Variants in SH3PXD2B observed in about 807,000 individuals in gnomAD.
The protein encoded by SH3PXD2B is SH3 and PX domains 2B.
A neutral mutation model predicts 73.1 loss-of-function variants in SH3PXD2B; 37 were observed. The ratio of observed to expected loss-of-function variants is 0.51; its 90% CI spans 0.39 to 0.67. SH3PXD2B has a LOEUF of 0.67. Among genes scored for constraint, SH3PXD2B ranks in the 30% least tolerant of loss-of-function variants. The probability of loss-of-function intolerance (pLI) is 0.00; values close to 1 mark genes in which losing one functional copy is unlikely to be tolerated. For synonymous variants in SH3PXD2B, 457 were observed against 480.5 expected (o/e 0.95, Z 0.64); for missense variants, 1,053 against 1,197.8 (o/e 0.88, Z 1.78).
At chr5:172,403,319 A>T (rs751590002) in intron 3 of SH3PXD2B, among the ~76,000 whole-genome samples, 7 of 152,238 alleles carry the variant, frequency 4.6e-5, no homozygotes, top group Non-Finnish European at 8.8e-5. Context: ...CTTTGTGCTA[A>T]CATGAGACTT....
At chr5:172,367,234 G>A (rs1445050040) in intron 6 of SH3PXD2B, among the ~76,000 whole-genome samples, 7 of 151,892 alleles carry the variant, frequency 4.6e-5, no homozygotes, top group Non-Finnish European at 8.8e-5. Flanking sequence ...CACTGCGCCC[G>A]GCTGCCATCT....
chr5:172,393,740 A>G (rs544128949), intron 4 of SH3PXD2B, among the ~76,000 whole-genome samples: 22 of 152,312 alleles, frequency 1.4e-4, no homozygotes, highest in African/African-American at 5.3e-4. Context: ...ACCAAAGAAA[A>G]GCTGCTAAAC....
intron 12 of SH3PXD2B, among the ~76,000 whole-genome samples, chr5:172,326,168 G>C (rs903412928): frequency 6.6e-6 from 1 of 152,196 alleles, no homozygotes; most frequent in Admixed American, 6.5e-5. Context: ...TTGAACCATA[G>C]CGGCCTGGTT....
Position 172,339,897 on chromosome 5 carries a change from C to T in SH3PXD2B, c.1208G>A (p.Ser403Asn), listed in dbSNP as rs1756814969. The part of the protein sequence containing the change: ...LKVEVIEKNL[S>N]GWWYIQIEDK... ...TTCAATCTGAATGTACCACCAGCCACTCAAGTTTTTCTCGATCACCTGCAA... is the reference window on the plus strand; with the variant it reads ...TTCAATCTGAATGTACCACCAGCCATTCAAGTTTTTCTCGATCACCTGCAA... Residue 403 changes from serine (S) to asparagine (N), a missense_variant, in exon 13 of 13, where the codon AGT becomes AAT. Ser to Asn is a conservative substitution (Grantham distance 46). Around this residue, in one of 2 missense-constraint regions of SH3PXD2B, gnomAD observed 466 missense variants for 607.1 expected, o/e 0.77. Coordinates refer to ENST00000311601, the MANE Select transcript of SH3PXD2B (RefSeq NM_001017995.3). This position sits in a 1 kb window ranked among gnomAD's most constrained non-coding sequence, Gnocchi z 6.1. 6.2e-7 allele frequency: 1 copy of T among 1,614,146 alleles called. No homozygotes were observed. The highest frequency in any genetic ancestry group is 8.5e-7 in the Non-Finnish European group (1 of 1,180,062).
intron 2 of SH3PXD2B, among the ~76,000 whole-genome samples, chr5:172,416,132 A>G (rs1046313378): frequency 1.3e-5 from 2 of 152,132 alleles, no homozygotes; most frequent in African/African-American, 2.4e-5. Flanking sequence ...GTTTGAGACC[A>G]GTCGGGGCAA....
At chr5:172,423,388 C>T (rs181608288) in intron 1 of SH3PXD2B, among the ~76,000 whole-genome samples, 11 of 152,258 alleles carry the variant, frequency 7.2e-5, no homozygotes, top group Admixed American at 7.2e-4. Context: ...AAACACAAGG[C>T]GCTCAGTGCT....
chr5:172,375,876 G>A (rs1182028552), intron 5 of SH3PXD2B, among the ~76,000 whole-genome samples: 4 of 152,130 alleles, frequency 2.6e-5, no homozygotes, highest in Non-Finnish European at 5.9e-5. Context: ...ATACCTAAGA[G>A]GGGAATTGCT....
At chr5:172,420,214 T>C (rs1411027022) in intron 2 of SH3PXD2B, among the ~76,000 whole-genome samples, 1 of 152,276 alleles carries the variant, frequency 6.6e-6, no homozygotes, top group Non-Finnish European at 1.5e-5. Context: ...TTTATTTACA[T>C]TCTGTTTGCT....
At position 172,415,907 on chromosome 5, in the gene SH3PXD2B, C is replaced by T. The variant is rs1366437223; in HGVS notation, c.156+6509G>A. On this transcript the variant is annotated intron_variant, in intron 2 of 12. Coordinates refer to ENST00000311601, the MANE Select transcript of SH3PXD2B (RefSeq NM_001017995.3). ...CTTATTTCAAGCCCAGGGCTCTATC[C>T]CATTTCCTGCACCCTCAGGTGAATG... 2.0e-5 allele frequency among the ~76,000 whole-genome samples: 3 copies of T among 152,212 alleles called. No individual in the cohort carries two copies. The South Asian group carries it at 6.2e-4, about 31-fold the overall frequency.
chr5:172,337,337 C>G lies in SH3PXD2B; in HGVS notation c.*1032G>C, dbSNP rs1756725989. The G allele has an allele frequency of 1.0e-6, 1 of 985,404 alleles. No homozygotes were observed. 61.0% of individuals were successfully genotyped at this position (985,404 alleles called of 1,614,324 possible). ...TTTTACAGAGGGGAGGGCACAGGCA[C>G]TGAAGTCAGGCAGGCCTGGACTCAA... is the stretch of plus-strand genomic sequence containing the variant. On this transcript the variant is annotated 3_prime_UTR_variant, in exon 13 of 13. Transcript: ENST00000311601.
intron 9 of SH3PXD2B, among the ~76,000 whole-genome samples, chr5:172,351,233 G>GA (rs1377088532): frequency 3.3e-5 from 5 of 152,170 alleles, no homozygotes; most frequent in Non-Finnish European, 5.9e-5. Flanking sequence ...GGGCTCAAGC[G>GA]ATTCTCCCAA....
At chr5:172,441,763 A>G (rs1581343733) in intron 1 of SH3PXD2B, among the ~76,000 whole-genome samples, 1 of 152,212 alleles carries the variant, frequency 6.6e-6, no homozygotes, top group Non-Finnish European at 1.5e-5. Context: ...GACAAGGAGA[A>G]GAGAACTAGA....
At chr5:172,435,948 G>A (rs1473956103) in intron 1 of SH3PXD2B, among the ~76,000 whole-genome samples, 3 of 152,242 alleles carry the variant, frequency 2.0e-5, no homozygotes, top group African/African-American at 7.2e-5. Flanking sequence ...GCCAGGGGCA[G>A]GGGCTGAGGG....
intron 10 of SH3PXD2B, among the ~76,000 whole-genome samples, chr5:172,348,675 C>CCTATCTATCTATCTATG (rs1757072573): frequency 1.8e-5 from 1 of 56,670 alleles, no homozygotes; most frequent in African/African-American, 5.9e-5. Flanking sequence ...ATCTATCTAT[C>CCTATCTATCTATCTATG]TATCTATCTA....
chr5:172,339,767 C>G lies in SH3PXD2B; in HGVS notation c.1338G>C (p.Gln446His), dbSNP rs765107395. ...GCGCTGCTGCTTCCCCCAGCCGGAG[C>G]TGGGTCACCTCGTGGGGCAGGGGAG... ...FLAPLPHEVTQLRLGEAAALE... is the reference protein window; with the variant it reads ...FLAPLPHEVTHLRLGEAAALE... Residue 446 changes from glutamine (Q) to histidine (H), a missense_variant, in exon 13 of 13, where the codon CAG (glutamine) becomes CAC (histidine). Gln to His is a conservative substitution (Grantham distance 24). Coordinates refer to ENST00000311601, the MANE Select transcript of SH3PXD2B (RefSeq NM_001017995.3). This position sits in a 1 kb window ranked among gnomAD's most constrained non-coding sequence, Gnocchi z 6.1. 7 of 1,613,148 alleles carry G rather than the reference C, an allele frequency of 4.3e-6. No individual in the cohort carries two copies. The highest frequency in any genetic ancestry group is 1.7e-4 in the Middle Eastern group (1 of 6,058).
intron 3 of SH3PXD2B, among the ~76,000 whole-genome samples, chr5:172,403,178 G>A (rs150866817): frequency 1.5e-3 from 234 of 152,298 alleles, no homozygotes; most frequent in Admixed American, 3.1e-3. Flanking sequence ...GGGAATGGTC[G>A]GCTTTTGTTT....
chr5:172,368,050 T>C (rs1757566748), intron 6 of SH3PXD2B, among the ~76,000 whole-genome samples: 1 of 152,348 alleles, frequency 6.6e-6, no homozygotes, highest in Non-Finnish European at 1.5e-5. Context: ...ATATCTTTGG[T>C]TGCTAGGCTC....
At chr5:172,341,141 C>T (rs1197213364) in intron 12 of SH3PXD2B, among the ~76,000 whole-genome samples, 2 of 152,196 alleles carry the variant, frequency 1.3e-5, no homozygotes, top group African/African-American at 4.8e-5. Flanking sequence ...GGTGTGCTCG[C>T]TATTATGGGC....
intron 12 of SH3PXD2B, among the ~76,000 whole-genome samples, chr5:172,328,354 T>C (rs1581251878): frequency 6.6e-6 from 1 of 152,102 alleles, no homozygotes; most frequent in African/African-American, 2.4e-5. Context: ...TCCGTCTGCC[T>C]CGGCCTCCCA....
Sources: gnomAD v4.1 joint callset for allele counts (sites outside exome capture counted in the v4.1 genomes callset) on GRCh38, gnomAD v4.1.1 for gene constraint, gnomAD v4.1.1 regional missense constraint, Gnocchi (gnomAD v3.1) non-coding constraint, MANE v1.5 for transcripts, NCBI Gene and HGNC (gene_info 2026-07-23, HGNC 2026-07-21) for gene names.